ACSS3: variants seen among roughly 807,000 people sequenced by gnomAD.
The protein encoded by ACSS3 is acyl-CoA synthetase short-chain family member 3, mitochondrial.
Under a neutral mutation model 84.2 loss-of-function variants are expected in ACSS3, and 64 were observed. The observed-to-expected ratio is 0.76, with a 90% confidence interval of 0.62 to 0.94. The LOEUF (loss-of-function observed/expected upper bound fraction) is 0.94. ACSS3 is among the 40% of genes least tolerant of loss of function. The pLI, the probability that ACSS3 is intolerant of heterozygous loss-of-function variation, is 0.00. For missense variants in ACSS3, 815 were observed against 867.6 expected (o/e 0.94, Z 0.76); for synonymous variants, 317 against 310.1 (o/e 1.02, Z -0.23).
In ACSS3 at chr12:81,162,501, T is replaced by A. The variant is rs551166274; in HGVS notation, c.1098+10405T>A. Among the ~76,000 whole-genome samples, 17 of 152,274 alleles carry A rather than the reference T, an allele frequency of 1.1e-4. No individual in the cohort carries two copies. The South Asian group carries it at 2.7e-3, about 24-fold the overall frequency. On this transcript the variant is annotated intron_variant, in intron 7 of 15. Coordinates refer to ENST00000548058, the MANE Select transcript of ACSS3 (RefSeq NM_024560.4). ...TCAGAAGGGAGAAAGTGCATGCTGA[T>A]TGGCCTATTAGCAGCCATGGATGGC...
In ACSS3 at chr12:81,259,044, A is replaced by G. The variant is rs558507929; in HGVS notation, c.*4122A>G. ...CATCCCTGATTGCCTTTAAAGCTCT[A>G]TTTTTGGCTCCGGTTCCAGGTTAAA... is the stretch of plus-strand genomic sequence containing the variant. On this transcript the variant is annotated 3_prime_UTR_variant, in exon 16 of 16. Transcript: ENST00000548058. The G allele has an allele frequency of 6.1e-6, 1 of 162,970 alleles. No homozygotes were observed. The highest frequency in any genetic ancestry group is 1.7e-4 in the South Asian group (1 of 6,050). The allele number at this position is 162,970 out of a possible 1,614,324, so 10.1% of individuals were successfully genotyped here.
chr12:81,188,697 G>C (rs1443832549), intron 8 of ACSS3, among the ~76,000 whole-genome samples: 1 of 152,016 alleles, frequency 6.6e-6, no homozygotes, highest in Non-Finnish European at 1.5e-5. Context: ...CGTCAAAGTG[G>C]TTCTTGCATT....
Position 81,254,893 on chromosome 12 carries a change from C to T in ACSS3, c.2032C>T (p.His678Tyr), listed in dbSNP as rs760612389. Residue 678 changes from histidine to tyrosine, a missense_variant, in exon 16 of 16, where the codon CAC becomes TAC. Physicochemically the swap from His to Tyr is moderately conservative, Grantham distance 83. Coordinates refer to ENST00000548058, the MANE Select transcript of ACSS3 (RefSeq NM_024560.4). ...STIEDPSIFGHVEEMLKQA is the reference protein window; with the variant it reads ...STIEDPSIFGYVEEMLKQA Reference sequence around the variant, plus strand: ...AATTGAAGACCCCAGCATTTTTGGCCACGTAGAAGAAATGCTGAAGCAAGC... The same window carrying T: ...AATTGAAGACCCCAGCATTTTTGGCTACGTAGAAGAAATGCTGAAGCAAGC... 6.2e-7 allele frequency: 1 copy of T among 1,606,418 alleles called. No homozygotes were observed. Among genetic ancestry groups the T allele is most frequent in the Admixed American group, 1.7e-5 (1 of 59,222 alleles).
At chr12:81,091,915 CT>C (rs1485490647) in intron 1 of ACSS3, among the ~76,000 whole-genome samples, 2 of 151,998 alleles carry the variant, frequency 1.3e-5, no homozygotes, top group Non-Finnish European at 2.9e-5. Context: ...AGTTAAGTAA[CT>C]TGCTAATGCT....
At chr12:81,138,935 A>G (rs557658333) in intron 3 of ACSS3, among the ~76,000 whole-genome samples, 196 bp from the exon 4 acceptor site, 2 of 152,330 alleles carry the variant, frequency 1.3e-5, no homozygotes, top group African/African-American at 4.8e-5. Context: ...TTGAACAGGT[A>G]AGTGAGATTT....
intron 2 of ACSS3, among the ~76,000 whole-genome samples, chr12:81,110,699 A>G (rs1394459447): frequency 6.6e-6 from 1 of 152,160 alleles, no homozygotes; most frequent in Non-Finnish European, 1.5e-5. Context: ...AGATGCTGGT[A>G]ACACAACCCC....
intron 5 of ACSS3, among the ~76,000 whole-genome samples, chr12:81,144,026 G>A (rs762670359): frequency 6.6e-6 from 1 of 152,086 alleles, no homozygotes; most frequent in Admixed American, 6.5e-5. Flanking sequence ...AGTAGGGGAC[G>A]GGACTTTCAT....
intron 12 of ACSS3, among the ~76,000 whole-genome samples, chr12:81,233,020 T>C (rs35987499): frequency 0.33 from 49,724 of 151,512 alleles, 10,021 homozygotes; most frequent in Non-Finnish European, 0.46. Context: ...CAAAGAATTA[T>C]TTTGCAATAT....
chr12:81,107,006 G>A (rs1185513279), intron 1 of ACSS3, among the ~76,000 whole-genome samples: 1 of 151,600 alleles, frequency 6.6e-6, no homozygotes, highest in African/African-American at 2.4e-5. Context: ...GGGGGTGGGG[G>A]TGGAGGTGGA....
At position 81,231,167 on chromosome 12, in the gene ACSS3, T is replaced by C. The variant is rs527426079; in HGVS notation, c.1596+29T>C. The C allele has an allele frequency of 2.6e-6, 4 of 1,510,462 alleles. No homozygotes were observed. In the Admixed American group the frequency reaches 5.4e-5, roughly 20 times the overall value. The allele number at this position is 1,510,462 out of a possible 1,614,324, so 93.6% of individuals were successfully genotyped here. A position where few individuals can be genotyped will look rare whatever the true frequency, so the allele number is the denominator to read the frequency against. On this transcript the variant is annotated intron_variant, in intron 12 of 15. Transcript: ENST00000548058. The stretch of plus-strand genomic sequence containing the variant: ...AGAACTTTAATATGCTTTTTTATCT[T>C]CTTATGTACTTTTCTATAATTCTTG...
At chr12:81,229,559 A>C (rs1257699381) in intron 11 of ACSS3, among the ~76,000 whole-genome samples, 1 of 151,958 alleles carries the variant, frequency 6.6e-6, no homozygotes, top group Non-Finnish European at 1.5e-5. Flanking sequence ...GTTATTTACA[A>C]GTATTTACAT....
At chr12:81,181,718 C>G (rs2030936228) in intron 8 of ACSS3, among the ~76,000 whole-genome samples, 1 of 80,592 alleles carries the variant, frequency 1.2e-5, no homozygotes, top group East Asian at 3.3e-4. Flanking sequence ...AATCAGAAAT[C>G]TTGAAGCCAA....
chr12:81,164,835 G>A (rs1157431796), intron 7 of ACSS3, among the ~76,000 whole-genome samples: 3 of 152,080 alleles, frequency 2.0e-5, no homozygotes, highest in Non-Finnish European at 2.9e-5. Flanking sequence ...CAAGGACAGG[G>A]ATTTGCTTCT....
intron 7 of ACSS3, among the ~76,000 whole-genome samples, chr12:81,167,206 G>A (rs1278773724): frequency 1.3e-5 from 2 of 151,990 alleles, no homozygotes; most frequent in Admixed American, 1.3e-4. Context: ...TTTTTTAAAG[G>A]GGATTAGATA....
chr12:81,128,571 T>C (rs12296729), intron 2 of ACSS3, among the ~76,000 whole-genome samples: 3,629 of 152,234 alleles, frequency 0.024, 140 homozygotes, highest in African/African-American at 0.082. Flanking sequence ...ATCAAGTTAT[T>C]GACAAATTTA....
At position 81,229,040 on chromosome 12, in the gene ACSS3, G is replaced by A. The variant is rs539434536; in HGVS notation, c.1515-2017G>A. On this transcript the variant is annotated intron_variant, in intron 11 of 15. Transcript: ENST00000548058. ...TCCCCTTGTACCTGGCATGTAAACT[G>A]TAATTTGCTTCAGACTCCACCATTC... Among the ~76,000 whole-genome samples, 9 of 151,858 alleles carry A rather than the reference G, an allele frequency of 5.9e-5. No individual in the cohort carries two copies. The South Asian group carries it at 1.7e-3, about 28-fold the overall frequency.
At chr12:81,206,748 A>G (rs1421826413) in intron 9 of ACSS3, among the ~76,000 whole-genome samples, 1 of 152,130 alleles carries the variant, frequency 6.6e-6, no homozygotes, top group Non-Finnish European at 1.5e-5. Context: ...AGAGCTTAGA[A>G]GTAAGCTACA....
intron 7 of ACSS3, among the ~76,000 whole-genome samples, chr12:81,161,123 T>A (rs572887671): frequency 6.6e-6 from 1 of 152,352 alleles, no homozygotes; most frequent in East Asian, 1.9e-4. Context: ...ACTTAAATGC[T>A]TGAATATTAC....
chr12:81,167,587 A>G (rs1887462133), intron 7 of ACSS3, among the ~76,000 whole-genome samples: 1 of 152,186 alleles, frequency 6.6e-6, no homozygotes, highest in Non-Finnish European at 1.5e-5. Flanking sequence ...GTATCTGCAC[A>G]TGGCAGAAGA....
Sources: gnomAD v4.1 joint callset for allele counts (sites outside exome capture counted in the v4.1 genomes callset) on GRCh38, gnomAD v4.1.1 for gene constraint, MANE v1.5 for transcripts, NCBI Gene and HGNC (gene_info 2026-07-23, HGNC 2026-07-21) for gene names.